Variants in EIF2B3 observed in about 807,000 individuals in gnomAD.
EIF2B3 encodes eukaryotic translation initiation factor 2B subunit gamma, also known as translation initiation factor eIF2B subunit gamma.
Under a neutral mutation model 54.1 loss-of-function variants are expected in EIF2B3, and 20 were observed. The observed-to-expected ratio is 0.37, with a 90% CI of 0.26 to 0.54. The LOEUF is 0.54. Ranked by LOEUF, EIF2B3 falls within the 20% of genes least tolerant of loss-of-function variation. EIF2B3 has a pLI of 0.86. For synonymous variants in EIF2B3, 153 were observed against 188.1 expected, an observed-to-expected ratio of 0.81 and a Z score of 1.52; for missense variants, 448 against 547.8, an observed-to-expected ratio of 0.82 and a Z score of 1.82.
intron 3 of EIF2B3, among the ~76,000 whole-genome samples, chr1:44,955,173 T>C (rs539828124): frequency 6.6e-6 from 1 of 152,242 alleles, no homozygotes; most frequent in East Asian, 1.9e-4. Flanking sequence ...AAAACAGATA[T>C]ATAGACCAGT....
At chr1:44,934,341 T>C (rs1643923979) in intron 4 of EIF2B3, among the ~76,000 whole-genome samples, 1 of 152,106 alleles carries the variant, frequency 6.6e-6, no homozygotes, top group African/African-American at 2.4e-5. Context: ...GAGGTTGCAG[T>C]GAGCCAAGAT....
rs1171020644 is a variant in EIF2B3, at chr1:44,951,954, ATTTTTTTTTTTTTTT to A, written c.295-10304_295-10290del. 4.5e-5 allele frequency among the ~76,000 whole-genome samples: 2 copies of A among 44,672 alleles called. 1 individual carries two copies. Among genetic ancestry groups the A allele is most frequent in the Non-Finnish European group, 7.2e-5 (2 of 27,888 alleles). The allele number at this position is 44,672 out of a possible 152,430, so 29.3% of individuals were successfully genotyped here. ...AGGGGCGCACCACCATGCCTGGCTA[ATTTTTTTTTTTTTTT>A]TTTTTTTTTTTGAGACGGAGTCTCG... On this transcript the variant is annotated intron_variant, in intron 3 of 11. Transcript: ENST00000360403.
intron 3 of EIF2B3, among the ~76,000 whole-genome samples, chr1:44,948,459 G>A (rs1269661532): frequency 6.6e-6 from 1 of 151,720 alleles, no homozygotes; most frequent in Non-Finnish European, 1.5e-5. Flanking sequence ...AATTTCTACT[G>A]CATATGTCTT....
chr1:44,933,009 A>T (rs1196592023), intron 4 of EIF2B3, among the ~76,000 whole-genome samples: 1 of 152,178 alleles, frequency 6.6e-6, no homozygotes, highest in Non-Finnish European at 1.5e-5. Flanking sequence ...CTAAAATGAC[A>T]GCTCTACAGC....
intron 3 of EIF2B3, among the ~76,000 whole-genome samples, chr1:44,946,339 A>G (rs902470009): frequency 6.6e-6 from 1 of 152,210 alleles, no homozygotes; most frequent in African/African-American, 2.4e-5. Flanking sequence ...GTGCAACTCC[A>G]TCACTTCCAA....
At chr1:44,852,360 C>T (rs1445471940) in intron 11 of EIF2B3, among the ~76,000 whole-genome samples, 4 of 152,152 alleles carry the variant, frequency 2.6e-5, no homozygotes, top group Admixed American at 6.6e-5. Context: ...TGTGCCCTAA[C>T]GTAGCACCTC....
intron 11 of EIF2B3, among the ~76,000 whole-genome samples, chr1:44,853,333 G>A (rs193154062): frequency 5.9e-5 from 9 of 152,182 alleles, no homozygotes; most frequent in East Asian, 1.9e-4. Flanking sequence ...GAACTAGGCC[G>A]GGCGTGGTGG....
intron 5 of EIF2B3, among the ~76,000 whole-genome samples, chr1:44,922,650 A>G (rs1643771969): frequency 6.6e-6 from 1 of 151,364 alleles, no homozygotes; most frequent in African/African-American, 2.4e-5. Context: ...TTGTAACAAT[A>G]CTGATTTTTT....
intron 6 of EIF2B3, among the ~76,000 whole-genome samples, chr1:44,882,928 CT>C (rs1003449669): frequency 0.054 from 6,141 of 114,394 alleles, 367 homozygotes; most frequent in African/African-American, 0.2. Context: ...TTTTCTTTTT[CT>C]TTTTTTTTTT....
At chr1:44,983,469 A>G (rs1295249015) in intron 1 of EIF2B3, among the ~76,000 whole-genome samples, 2 of 152,258 alleles carry the variant, frequency 1.3e-5, no homozygotes, top group Admixed American at 6.5e-5. Context: ...AGATATGGTC[A>G]TGTAGATTCT....
chr1:44,945,151 C>A (rs1205704581), intron 3 of EIF2B3, among the ~76,000 whole-genome samples: 2 of 152,010 alleles, frequency 1.3e-5, no homozygotes, highest in Non-Finnish European at 2.9e-5. Flanking sequence ...ATAGCCTGAA[C>A]AATTTCTTTT....
At chr1:44,975,719 C>T (rs1233802658) in intron 3 of EIF2B3, among the ~76,000 whole-genome samples, 2 of 152,012 alleles carry the variant, frequency 1.3e-5, no homozygotes. Context: ...GTGTGTAATC[C>T]CAGCACTTTG....
intron 1 of EIF2B3, among the ~76,000 whole-genome samples, chr1:44,983,597 C>T (rs1557717953): frequency 2.0e-5 from 3 of 152,156 alleles, no homozygotes; most frequent in Admixed American, 2.0e-4. Context: ...ATGAGCTGGA[C>T]GTGGTGGCTC....
At chr1:44,966,256 G>T (rs545600099) in intron 3 of EIF2B3, among the ~76,000 whole-genome samples, 1 of 151,580 alleles carries the variant, frequency 6.6e-6, no homozygotes, top group Admixed American at 6.6e-5. Flanking sequence ...TGGCTAACAT[G>T]GTGAAACCCT....
chr1:44,943,946 A>G (rs1569803526), intron 3 of EIF2B3, among the ~76,000 whole-genome samples: 1 of 151,706 alleles, frequency 6.6e-6, no homozygotes, highest in Non-Finnish European at 1.5e-5. Context: ...GGAGTTTGAG[A>G]CCAGCCTGAG....
intron 3 of EIF2B3, 60 bp from the exon 4 acceptor site, chr1:44,941,725 C>T: frequency 6.3e-7 from 1 of 1,598,424 alleles, no homozygotes; most frequent in East Asian, 2.2e-5. Flanking sequence ...CACAAATCAT[C>T]ACAAGACAAA....
At chr1:44,921,897 T>TA (rs1391507701) in intron 5 of EIF2B3, among the ~76,000 whole-genome samples, 9 of 89,020 alleles carry the variant, frequency 1.0e-4, no homozygotes, top group South Asian at 3.0e-4. Flanking sequence ...TATATATATA[T>TA]TTTTTTATTT....
At chr1:44,977,845 C>G (rs1644468683) in intron 3 of EIF2B3, among the ~76,000 whole-genome samples, 1 of 152,162 alleles carries the variant, frequency 6.6e-6, no homozygotes, top group Non-Finnish European at 1.5e-5. Context: ...AAATTAATGT[C>G]TAAATCTTTA....
chr1:44,922,836 ATTTTTTTTTTTTTT>A (rs386366852), intron 5 of EIF2B3, among the ~76,000 whole-genome samples: 3 of 56,642 alleles, frequency 5.3e-5, no homozygotes, highest in South Asian at 9.1e-4. Flanking sequence ...TCTTTTTCAG[ATTTTTTTTTTTTTT>A]TTTTTTTTTT....
Sources: allele counts gnomAD v4.1 joint callset (sites outside exome capture counted in the v4.1 genomes callset), GRCh38; gene constraint gnomAD v4.1.1; transcripts MANE v1.5; gene names NCBI Gene and HGNC (gene_info 2026-07-23, HGNC 2026-07-21).